Variants in CLCN3 observed in about 807,000 individuals in gnomAD.
CLCN3 encodes the protein Cl-/H+ antiporter 3.
CLCN3 carries 16 observed loss-of-function variants against 83.4 expected under a neutral mutation model. The ratio of observed to expected loss-of-function variants is 0.19; its 90% CI spans 0.13 to 0.29. CLCN3 has a LOEUF of 0.29. Among genes scored for constraint, CLCN3 ranks in the 10% least tolerant of loss-of-function variants. The pLI is 1.00. For synonymous variants in CLCN3, 322 were observed against 346.2 expected, an observed-to-expected ratio of 0.93 and a Z score of 0.78; for missense variants, 544 against 1,006.0, an observed-to-expected ratio of 0.54 and a Z score of 6.21.
At chr4:169,681,545 C>T (rs1731936918) in intron 3 of CLCN3, among the ~76,000 whole-genome samples, 1 of 152,074 alleles carries the variant, frequency 6.6e-6, no homozygotes, top group Admixed American at 6.5e-5. Context: ...AAATAAAATA[C>T]AGTACATGAA....
chr4:169,702,726 G>A (rs1581269625), intron 9 of CLCN3: 1 of 190,748 alleles, frequency 5.2e-6, no homozygotes, highest in East Asian at 1.4e-4. Flanking sequence ...AGGATCACTT[G>A]AGGTCAGGAG....
At position 169,620,597 on chromosome 4, in the gene CLCN3, C is replaced by T. The variant is rs1226639626; in HGVS notation, c.-483C>T. 6 of 396,864 alleles carry T rather than the reference C, an allele frequency of 1.5e-5. No individual in the cohort carries two copies. The highest frequency in any genetic ancestry group is 2.7e-5 in the Non-Finnish European group (6 of 225,700). 24.6% of individuals were successfully genotyped at this position (396,864 alleles called of 1,614,324 possible). ...CCGCTTCTCTTCCCCTTCCGTGGGTCAGGGCCGGTCCGGTCCGGAACCTGC... is the reference window on the plus strand; with the variant it reads ...CCGCTTCTCTTCCCCTTCCGTGGGTTAGGGCCGGTCCGGTCCGGAACCTGC... On this transcript the variant is annotated 5_prime_UTR_variant, in exon 1 of 13. Transcript: ENST00000513761.
chr4:169,622,778 G>T (rs1239587098), intron 1 of CLCN3, among the ~76,000 whole-genome samples: 1 of 152,096 alleles, frequency 6.6e-6, no homozygotes, highest in Non-Finnish European at 1.5e-5. Flanking sequence ...CAGAGTTCCT[G>T]CTCTCTGCTG....
chr4:169,685,639 G>T (rs1451502672), intron 3 of CLCN3, among the ~76,000 whole-genome samples: 1 of 152,036 alleles, frequency 6.6e-6, no homozygotes, highest in Admixed American at 6.5e-5. Context: ...TTTAGGAACG[G>T]TGATGATTGA....
intron 9 of CLCN3, among the ~76,000 whole-genome samples, chr4:169,698,411 CTT>C (rs1166674650): frequency 6.6e-6 from 1 of 152,164 alleles, no homozygotes; most frequent in African/African-American, 2.4e-5. Flanking sequence ...GTCTCTCTCT[CTT>C]TCTCTCGCTT....
At chr4:169,684,884 C>T (rs1732093856) in intron 3 of CLCN3, among the ~76,000 whole-genome samples, 1 of 152,124 alleles carries the variant, frequency 6.6e-6, no homozygotes, top group African/African-American at 2.4e-5. Flanking sequence ...AACACCATCT[C>T]CAACAATATG....
chr4:169,670,833 C>G (rs1430795772), intron 2 of CLCN3, among the ~76,000 whole-genome samples: 6 of 152,104 alleles, frequency 3.9e-5, no homozygotes, highest in Admixed American at 3.9e-4. Context: ...TCCTTCACGT[C>G]TCTTTTAAGT....
At chr4:169,653,555 C>T (rs1388835650) in intron 2 of CLCN3, among the ~76,000 whole-genome samples, 1 of 144,018 alleles carries the variant, frequency 6.9e-6, no homozygotes, top group Non-Finnish European at 1.5e-5. Flanking sequence ...GCAGGAGAAT[C>T]ACTTGAACCC....
chr4:169,690,444 C>G, intron 5 of CLCN3, 86 bp from the exon 6 acceptor site: 1 of 1,388,268 alleles, frequency 7.2e-7, no homozygotes, highest in Non-Finnish European at 9.9e-7. Flanking sequence ...CATGCCTGGC[C>G]GTTTACTGAA....
chr4:169,663,367 CT>C (rs1731133510), intron 2 of CLCN3, among the ~76,000 whole-genome samples: 1 of 151,536 alleles, frequency 6.6e-6, no homozygotes, highest in African/African-American at 2.4e-5. Context: ...AGAGGTATCA[CT>C]TTTTCACCCA....
At chr4:169,678,579 T>G (rs1731775054) in intron 2 of CLCN3, among the ~76,000 whole-genome samples, 1 of 152,156 alleles carries the variant, frequency 6.6e-6, no homozygotes, top group Admixed American at 6.5e-5. Flanking sequence ...TCCACAGTGT[T>G]TGTGTCCCTG....
At chr4:169,690,392 C>G (rs140285199) in intron 5 of CLCN3, 138 bp from the exon 6 acceptor site, 3 of 793,074 alleles carry the variant, frequency 3.8e-6, no homozygotes, top group Non-Finnish European at 5.8e-6. Context: ...GTGATCCACC[C>G]GCCTCAACCT....
Position 169,720,636 on chromosome 4 carries a change from A to G in CLCN3, c.*639A>G, listed in dbSNP as rs901662922. The G allele has an allele frequency of 1.3e-5, 2 of 150,650 alleles. No homozygotes were observed. Among genetic ancestry groups the G allele is most frequent in the East Asian group, 3.9e-4 (2 of 5,136 alleles). The allele number at this position is 150,650 out of a possible 1,614,324, so 9.3% of individuals were successfully genotyped here. A position where few individuals can be genotyped will look rare whatever the true frequency, so the allele number is the denominator to read the frequency against. Reference sequence around the variant, plus strand: ...CTTTCTCATATTGAGATGTACTGTGATTTTACTGAGGTTTCATCACAAGAA... The same window carrying G: ...CTTTCTCATATTGAGATGTACTGTGGTTTTACTGAGGTTTCATCACAAGAA... On this transcript the variant is annotated 3_prime_UTR_variant, in exon 13 of 13. Coordinates refer to ENST00000513761, the MANE Select transcript of CLCN3 (RefSeq NM_001829.4).
intron 1 of CLCN3, among the ~76,000 whole-genome samples, chr4:169,630,344 C>G (rs930827601): frequency 2.0e-5 from 3 of 152,030 alleles, no homozygotes; most frequent in Non-Finnish European, 4.4e-5. Context: ...CTGTGAGTAC[C>G]TGATGTTAAA....
intron 12 of CLCN3, among the ~76,000 whole-genome samples, chr4:169,716,320 A>C (rs1268380737): frequency 6.6e-6 from 1 of 152,186 alleles, no homozygotes; most frequent in African/African-American, 2.4e-5. Context: ...GTCGTTATAC[A>C]TTTGTAACCT....
intron 1 of CLCN3, among the ~76,000 whole-genome samples, chr4:169,628,853 G>T (rs1773298385): frequency 6.6e-6 from 1 of 152,194 alleles, no homozygotes; most frequent in Admixed American, 6.5e-5. Flanking sequence ...ATGCATGTTT[G>T]TAGCAGCTTT....
intron 2 of CLCN3, among the ~76,000 whole-genome samples, 186 bp from the exon 3 acceptor site, chr4:169,679,864 G>A (rs1438665973): frequency 8.2e-6 from 1 of 121,508 alleles, no homozygotes; most frequent in Non-Finnish European, 1.9e-5. Context: ...TGGCAACAGA[G>A]GGAGACCGTG....
In CLCN3 at chr4:169,692,100, T is replaced by C; in HGVS notation, c.730-14T>C. 1 of 1,504,116 alleles carries C rather than the reference T, an allele frequency of 6.6e-7. No individual in the cohort carries two copies. The highest frequency in any genetic ancestry group is 1.1e-5 in the South Asian group (1 of 87,708). The allele number at this position is 1,504,116 out of a possible 1,614,324, so 93.2% of individuals were successfully genotyped here. On this transcript the variant is annotated splice_polypyrimidine_tract_variant and intron_variant, in intron 6 of 12. Transcript: ENST00000513761. ...CTTAAAGGACATTAAGCTGCCTTAA[T>C]CTTTGCCTTGTAGATTAAAACTATT...
intron 11 of CLCN3, among the ~76,000 whole-genome samples, chr4:169,708,154 C>A (rs1733063600): frequency 6.6e-6 from 1 of 152,162 alleles, no homozygotes; most frequent in South Asian, 2.1e-4. Context: ...GTGAGCATAT[C>A]ATCTCCCTTC....
Sources: gnomAD v4.1 joint callset for allele counts (sites outside exome capture counted in the v4.1 genomes callset) on GRCh38, gnomAD v4.1.1 for gene constraint, MANE v1.5 for transcripts, NCBI Gene and HGNC (gene_info 2026-07-23, HGNC 2026-07-21) for gene names.